Variants in GRAMD2B observed in about 807,000 individuals in gnomAD.
GRAMD2B encodes GRAM domain containing 2B.
A neutral mutation model predicts 59.2 loss-of-function variants in GRAMD2B; 41 were observed. The ratio of observed to expected loss-of-function variants is 0.69; its 90% CI spans 0.54 to 0.90. The LOEUF (loss-of-function observed/expected upper bound fraction) is 0.90, where lower values mean the gene tolerates loss of function less well. Ranked by LOEUF, GRAMD2B falls within the 40% of genes least tolerant of loss-of-function variation. The probability of loss-of-function intolerance (pLI) is 0.00; values close to 1 mark genes in which losing one functional copy is unlikely to be tolerated. For missense variants in GRAMD2B, 424 were observed against 500.5 expected (o/e 0.85, Z 1.46); for synonymous variants, 161 against 182.7 (o/e 0.88, Z 0.96).
intron 1 of GRAMD2B, among the ~76,000 whole-genome samples, chr5:126,382,960 C>A (rs1561464268): frequency 6.6e-6 from 1 of 151,996 alleles, no homozygotes; most frequent in Non-Finnish European, 1.5e-5. Flanking sequence ...ATTATTATTT[C>A]TCTTCACGGA....
intron 11 of GRAMD2B, among the ~76,000 whole-genome samples, chr5:126,486,246 T>C (rs1295705692): frequency 2.0e-5 from 3 of 152,226 alleles, no homozygotes; most frequent in Non-Finnish European, 4.4e-5. Context: ...CATTGTTAAC[T>C]TTAGTCATTC....
At chr5:126,371,292 T>C, upstream of GRAMD2B, 1 of 1,109,074 alleles carries the variant, frequency 9.0e-7, no homozygotes, top group South Asian at 2.1e-5. Context: ...TTTAAAAACA[T>C]AGCCTCAGCT....
At chr5:126,466,961 G>C (rs1168363271) in intron 2 of GRAMD2B, among the ~76,000 whole-genome samples, 8 of 152,104 alleles carry the variant, frequency 5.3e-5, no homozygotes, top group Admixed American at 2.6e-4. Context: ...TTGGTTTAAT[G>C]TTCCCCTCTT....
At chr5:126,420,546 C>A (rs761441440), upstream of GRAMD2B, among the ~76,000 whole-genome samples, 1 of 152,202 alleles carries the variant, frequency 6.6e-6, no homozygotes. Flanking sequence ...CATTGGAAGT[C>A]CTTATACCAT....
At chr5:126,420,217 A>G (rs1200078890), upstream of GRAMD2B, among the ~76,000 whole-genome samples, 2 of 152,152 alleles carry the variant, frequency 1.3e-5, no homozygotes, top group Non-Finnish European at 2.9e-5. Flanking sequence ...TAATCTTTTT[A>G]TCTTGTCTCC....
chr5:126,380,404 A>G (rs927139862), intron 1 of GRAMD2B, among the ~76,000 whole-genome samples: 1 of 151,666 alleles, frequency 6.6e-6, no homozygotes, highest in Non-Finnish European at 1.5e-5. Context: ...TTCCATATGA[A>G]TTTTAGGATT....
intron 2 of GRAMD2B, among the ~76,000 whole-genome samples, chr5:126,469,432 G>A (rs758573727): frequency 3.9e-5 from 6 of 152,038 alleles, no homozygotes; most frequent in East Asian, 1.9e-4. Flanking sequence ...GCTTAAGTCC[G>A]GGAGTTCAAG....
intron 11 of GRAMD2B, 109 bp from the exon 12 acceptor site, chr5:126,486,764 T>C (rs1280288426): frequency 6.2e-6 from 4 of 640,408 alleles, no homozygotes; most frequent in Non-Finnish European, 1.1e-5. Context: ...TACCAAGTTA[T>C]TTTGGAAAAT....
intron 1 of GRAMD2B, among the ~76,000 whole-genome samples, chr5:126,443,890 A>C (rs1010709424): frequency 1.2e-4 from 18 of 152,152 alleles, no homozygotes; most frequent in Admixed American, 2.0e-4. Flanking sequence ...TCTCTACTAA[A>C]AAATACCAAA....
At chr5:126,450,068 T>A (rs535386112) in intron 1 of GRAMD2B, among the ~76,000 whole-genome samples, 2 of 152,000 alleles carry the variant, frequency 1.3e-5, no homozygotes, top group African/African-American at 2.4e-5. Context: ...TTTTTTTTTT[T>A]CCTCCTACAT....
At position 126,483,648 on chromosome 5, in the gene GRAMD2B, AAAAAG is replaced by A. The variant is rs370536428; in HGVS notation, c.847+88_847+92del. 3.0e-4 allele frequency: 226 copies of A among 751,100 alleles called. No individual in the cohort carries two copies. In the East Asian group the frequency reaches 4.4e-3, roughly 15 times the overall value. The allele number at this position is 751,100 out of a possible 1,614,324, so 46.5% of individuals were successfully genotyped here. On this transcript the variant is annotated intron_variant, in intron 9 of 13. Transcript: ENST00000285689. ...ATCCTCACCCCACCCCCTTAAAAAA[AAAAAG>A]AAAAGAAAAGAAAGAAAAAAACCCA...
chr5:126,377,327 G>A (rs1488259067), intron 1 of GRAMD2B, among the ~76,000 whole-genome samples: 1 of 151,754 alleles, frequency 6.6e-6, no homozygotes, highest in Non-Finnish European at 1.5e-5. Context: ...TTATCAGAAT[G>A]TATTGCCATC....
At chr5:126,414,774 T>C (rs1187054550) in intron 1 of GRAMD2B, among the ~76,000 whole-genome samples, 2 of 152,178 alleles carry the variant, frequency 1.3e-5, no homozygotes, top group African/African-American at 2.4e-5. Context: ...CCGCCTGGTA[T>C]GCTTTTAAAC....
At chr5:126,455,023 T>C (rs1452956882) in intron 1 of GRAMD2B, among the ~76,000 whole-genome samples, 2 of 152,236 alleles carry the variant, frequency 1.3e-5, no homozygotes, top group African/African-American at 2.4e-5. Context: ...GGCAATGCCA[T>C]CCTCTCCATC....
intron 1 of GRAMD2B, 143 bp downstream of exon 1, chr5:126,423,832 A>ACTCTCTCTCTCTCTGTCTCTCACT: frequency 1.7e-6 from 1 of 591,068 alleles, no homozygotes; most frequent in Non-Finnish European, 2.9e-6. Flanking sequence ...TCTGTCTCTC[A>ACTCTCTCTCTCTCTGTCTCTCACT]CTCTCTCTCT....
chr5:126,360,201 T>G, exon 1 of GRAMD2B: 28 of 1,055,884 alleles, frequency 2.7e-5, no homozygotes, highest in Non-Finnish European at 3.7e-5. Context: ...AGAAAACTTC[T>G]GAGATAGCAC....
chr5:126,477,896 C>G (rs996056444), intron 6 of GRAMD2B, 109 bp downstream of exon 6: 1 of 721,318 alleles, frequency 1.4e-6, no homozygotes, highest in Middle Eastern at 2.7e-4. Flanking sequence ...TAAATATCAT[C>G]TCCTGTGGTG....
chr5:126,447,105 G>C (rs895160256), intron 1 of GRAMD2B, among the ~76,000 whole-genome samples: 2 of 152,024 alleles, frequency 1.3e-5, no homozygotes, highest in Non-Finnish European at 2.9e-5. Flanking sequence ...TCCTTCTTTC[G>C]CCATAACCTT....
chr5:126,371,347 G>A (rs1158714407), exon 1 of GRAMD2B: 13 of 1,203,862 alleles, frequency 1.1e-5, no homozygotes, highest in Non-Finnish European at 1.3e-5. Context: ...TTCAAGGACT[G>A]TACAAAGCTG....
Sources: allele counts gnomAD v4.1 joint callset (sites outside exome capture counted in the v4.1 genomes callset), GRCh38; gene constraint gnomAD v4.1.1; transcripts MANE v1.5; gene names NCBI Gene and HGNC (gene_info 2026-07-23, HGNC 2026-07-21).